The following SLC25A31 variants were observed in gnomAD, a reference collection of about 807,000 sequenced individuals.
SLC25A31 encodes solute carrier family 25 member 31.
A neutral mutation model predicts 36.2 loss-of-function variants in SLC25A31; 40 were observed. The ratio of observed to expected loss-of-function variants is 1.10; its 90% CI spans 0.86 to 1.44. The LOEUF (loss-of-function observed/expected upper bound fraction) is 1.44, where lower values mean the gene tolerates loss of function less well. Ranked by LOEUF, SLC25A31 falls within the 40% of genes most tolerant of loss-of-function variation. The pLI is 0.00. For missense variants in SLC25A31, 350 were observed against 397.1 expected, an observed-to-expected ratio of 0.88 and a Z score of 1.01; for synonymous variants, 143 against 149.7, an observed-to-expected ratio of 0.96 and a Z score of 0.32.
At chr4:127,738,378 A>C (rs1269360584) in intron 1 of SLC25A31, among the ~76,000 whole-genome samples, 1 of 152,140 alleles carries the variant, frequency 6.6e-6, no homozygotes, top group Non-Finnish European at 1.5e-5. Context: ...GTGAGCCACC[A>C]CGCCTGGCCC....
chr4:127,756,932 C>T lies in SLC25A31; in HGVS notation c.361-7311C>T, dbSNP rs114322514. On this transcript the variant is annotated intron_variant, in intron 2 of 5. Coordinates refer to ENST00000281154, the MANE Select transcript of SLC25A31 (RefSeq NM_031291.4). ...TTCTTAGAAACTAACATGCACCCAC[C>T]GTATGATGCATGTTTACACTTTTGG... Among the ~76,000 whole-genome samples, 1,335 of 152,214 alleles carry T rather than the reference C, an allele frequency of 8.8e-3. 23 individuals are homozygous for T. Among genetic ancestry groups the T allele is most frequent in the African/African-American group, 0.03 (1,243 of 41,524 alleles).
chr4:127,731,772 T>A (rs1731531514), intron 1 of SLC25A31, among the ~76,000 whole-genome samples: 1 of 152,044 alleles, frequency 6.6e-6, no homozygotes, highest in South Asian at 2.1e-4. Flanking sequence ...TTCTCTTTAT[T>A]TTTTCTATTA....
chr4:127,762,796 C>A (rs1290213299), intron 2 of SLC25A31, among the ~76,000 whole-genome samples: 1 of 151,620 alleles, frequency 6.6e-6, no homozygotes, highest in African/African-American at 2.4e-5. Flanking sequence ...TGGTGGCGGG[C>A]GCCTGTAGTC....
chr4:127,744,114 C>A (rs931150481), intron 1 of SLC25A31, among the ~76,000 whole-genome samples: 2 of 152,154 alleles, frequency 1.3e-5, no homozygotes, highest in Admixed American at 6.5e-5. Context: ...AGATTTCTTC[C>A]CATCTCTCCC....
Position 127,730,662 on chromosome 4 carries a change from G to C in SLC25A31, c.117G>C (p.Ala39=). 6 of 1,613,882 alleles carry C rather than the reference G, an allele frequency of 3.7e-6. No individual in the cohort carries two copies. Among genetic ancestry groups the C allele is most frequent in the Non-Finnish European group, 5.1e-6 (6 of 1,179,948 alleles). The change falls in exon 1 of 6, where the codon GCG becomes GCC. Residue 39 remains alanine, a synonymous_variant. Transcript: ENST00000281154. ...CAGCTGTGTCCAAGACAGCGGTGGC[G>C]CCCATCGAGCGGGTGAAGCTGCTGC... ...VAAAVSKTAV[A]PIERVKLLLQ...
chr4:127,768,836 T>G lies in SLC25A31; in HGVS notation c.718T>G (p.Ser240Ala). Residue 240 changes from serine to alanine, a missense_variant, in exon 5 of 6, where the codon TCT becomes GCT. By Grantham distance (99) the Ser-to-Ala change is moderately conservative. Transcript: ENST00000281154. ...TGTGACTACATGCTCTGGAATACTT[T>G]CTTATCCCTTTGACACAGTTAGAAG... ...QVVTTCSGIL[S>A]YPFDTVRRRM... 1 of 1,608,110 alleles carries G rather than the reference T, an allele frequency of 6.2e-7. No individual in the cohort carries two copies. The highest frequency in any genetic ancestry group is 8.5e-7 in the Non-Finnish European group (1 of 1,177,512).
At chr4:127,766,310 G>T (rs533612316) in intron 3 of SLC25A31, among the ~76,000 whole-genome samples, 113 of 151,396 alleles carry the variant, frequency 7.5e-4, no homozygotes, top group African/African-American at 2.5e-3. Context: ...TGGGATTACA[G>T]GCGACCACCA....
chr4:127,762,780 T>C (rs1027113956), intron 2 of SLC25A31, among the ~76,000 whole-genome samples: 2 of 151,722 alleles, frequency 1.3e-5, no homozygotes, highest in Admixed American at 6.6e-5. Flanking sequence ...GAAAATTATC[T>C]GGGCGTGGTG....
At chr4:127,767,447 G>A (rs1732267304) in intron 4 of SLC25A31, among the ~76,000 whole-genome samples, 1 of 152,080 alleles carries the variant, frequency 6.6e-6, no homozygotes, top group African/African-American at 2.4e-5. Context: ...AGTTTTTGAG[G>A]TGTTTTCACT....
chr4:127,760,941 G>A (rs191888216), intron 2 of SLC25A31, among the ~76,000 whole-genome samples: 7 of 152,092 alleles, frequency 4.6e-5, no homozygotes, highest in East Asian at 3.9e-4. Flanking sequence ...CAGCCTGGGC[G>A]GGGGGAAAAC....
At chr4:127,758,305 G>A (rs908645861) in intron 2 of SLC25A31, among the ~76,000 whole-genome samples, 5 of 152,122 alleles carry the variant, frequency 3.3e-5, no homozygotes, top group African/African-American at 4.8e-5. Context: ...GTCTGTTCAC[G>A]TCCTTTGCCC....
chr4:127,764,538 A>T (rs772335909), intron 3 of SLC25A31, among the ~76,000 whole-genome samples, 178 bp downstream of exon 3: 2 of 152,228 alleles, frequency 1.3e-5, no homozygotes, highest in African/African-American at 2.4e-5. Context: ...CCCTTAAAAA[A>T]GGGAAGGAGG....
chr4:127,737,735 T>G (rs1355121743), intron 1 of SLC25A31, among the ~76,000 whole-genome samples: 1 of 152,062 alleles, frequency 6.6e-6, no homozygotes, highest in Non-Finnish European at 1.5e-5. Context: ...TGGGGTTTGT[T>G]TTTTTTAGAG....
At position 127,766,295 on chromosome 4, in the gene SLC25A31, G is replaced by A. The variant is rs559977086; in HGVS notation, c.479-771G>A. 1.7e-4 allele frequency among the ~76,000 whole-genome samples: 25 copies of A among 150,566 alleles called. No homozygotes were observed. In the East Asian group the frequency reaches 3.8e-3, roughly 23 times the overall value. ...CAGTTCTCCTGCCTCAGCCTCCTGG[G>A]TAGCTGGGATTACAGGCGACCACCA... On this transcript the variant is annotated intron_variant, in intron 3 of 5. Coordinates refer to ENST00000281154, the MANE Select transcript of SLC25A31 (RefSeq NM_031291.4).
chr4:127,765,046 T>A (rs1732215798), intron 3 of SLC25A31, among the ~76,000 whole-genome samples: 1 of 152,218 alleles, frequency 6.6e-6, no homozygotes, highest in South Asian at 2.1e-4. Flanking sequence ...CCTGATGATC[T>A]TATATTTCAC....
rs2305958 is a variant in SLC25A31, at chr4:127,768,781, A to G, written c.663A>G (p.Pro221=). 0.62 allele frequency: 988,141 copies of G among 1,602,736 alleles called. 310,550 individuals carry two copies. Among genetic ancestry groups the G allele is most frequent in the Middle Eastern group, 0.8 (4,835 of 6,024 alleles). The change falls in exon 5 of 6, where the codon CCA becomes CCG. Residue 221 remains proline, a synonymous_variant. Transcript: ENST00000281154. ...KGLLPKPKKT[P]FLVSFFIAQV... is the part of the protein sequence containing the mutation. ...TATTACCAAAGCCAAAGAAAACTCCATTTCTTGTCTCCTTTTTCATTGCTC... is the reference window on the plus strand; with the variant it reads ...TATTACCAAAGCCAAAGAAAACTCCGTTTCTTGTCTCCTTTTTCATTGCTC...
chr4:127,754,379 T>C (rs1254619668), intron 2 of SLC25A31, among the ~76,000 whole-genome samples: 1 of 152,102 alleles, frequency 6.6e-6, no homozygotes, highest in East Asian at 1.9e-4. Flanking sequence ...TGATCTTATA[T>C]ATAGAAAACC....
chr4:127,761,837 A>G (rs1732146804), intron 2 of SLC25A31, among the ~76,000 whole-genome samples: 1 of 152,220 alleles, frequency 6.6e-6, no homozygotes. Context: ...CTTATTGATA[A>G]CTAGTATTGA....
At chr4:127,770,710 G>GA (rs556299259) in intron 5 of SLC25A31, among the ~76,000 whole-genome samples, 28 of 150,298 alleles carry the variant, frequency 1.9e-4, no homozygotes, top group Non-Finnish European at 2.1e-4. Flanking sequence ...CAACAGTACA[G>GA]AAAAAAAAAT....
Sources: gnomAD v4.1 joint callset for allele counts (sites outside exome capture counted in the v4.1 genomes callset) on GRCh38, gnomAD v4.1.1 for gene constraint, MANE v1.5 for transcripts, NCBI Gene and HGNC (gene_info 2026-07-23, HGNC 2026-07-21) for gene names.